NRG3: variants seen among roughly 807,000 people sequenced by gnomAD.
NRG3 encodes the protein neuregulin 3.
A neutral mutation model predicts 66.9 loss-of-function variants in NRG3; 31 were observed. That is an observed-to-expected ratio of 0.46 (90% confidence interval 0.35 to 0.63). The LOEUF is 0.63. Ranked by LOEUF, NRG3 falls within the 20% of genes least tolerant of loss-of-function variation. The pLI is 0.00. For missense variants in NRG3, 910 were observed against 878.9 expected, an observed-to-expected ratio of 1.04 and a Z score of -0.45; for synonymous variants, 393 against 359.4, an observed-to-expected ratio of 1.09 and a Z score of -1.06.
intron 4 of NRG3, among the ~76,000 whole-genome samples, chr10:82,946,054 A>G (rs767162030): frequency 2.6e-5 from 4 of 152,130 alleles, no homozygotes; most frequent in South Asian, 2.1e-4. Context: ...TGAAGTGTCA[A>G]TGATGTGGGA....
At chr10:82,227,665 G>A (rs1453598786) in intron 1 of NRG3, among the ~76,000 whole-genome samples, 1 of 152,110 alleles carries the variant, frequency 6.6e-6, no homozygotes, top group Non-Finnish European at 1.5e-5. Context: ...AAAGAGAATA[G>A]TGAAAGTGGA....
chr10:82,518,891 G>T lies in NRG3; in HGVS notation c.953+160023G>T, dbSNP rs911882820. On this transcript the variant is annotated intron_variant, in intron 2 of 8. Transcript: ENST00000372141. ...CAGCCTGAACAGTTCAGAAATTAATGCCTCTCATAACACCAAGAGATTTGA... is the reference window on the plus strand; with the variant it reads ...CAGCCTGAACAGTTCAGAAATTAATTCCTCTCATAACACCAAGAGATTTGA... Among the ~76,000 whole-genome samples the T allele has an allele frequency of 7.2e-5, 11 of 152,140 alleles. No individual in the cohort carries two copies. In the East Asian group the frequency reaches 7.7e-4, roughly 11 times the overall value.
chr10:82,069,988 A>G (rs2064712051), intron 1 of NRG3, among the ~76,000 whole-genome samples: 1 of 152,230 alleles, frequency 6.6e-6, no homozygotes, highest in Non-Finnish European at 1.5e-5. Context: ...GAGTGAATAT[A>G]TTTGATTAAA....
intron 2 of NRG3, among the ~76,000 whole-genome samples, chr10:82,509,832 T>C (rs1422352919): frequency 6.6e-6 from 1 of 152,192 alleles, no homozygotes; most frequent in Non-Finnish European, 1.5e-5. Flanking sequence ...CAACCTCCTG[T>C]CACCTTTCTT....
chr10:82,869,050 A>G (rs1330505121), intron 4 of NRG3, among the ~76,000 whole-genome samples: 1 of 152,156 alleles, frequency 6.6e-6, no homozygotes, highest in African/African-American at 2.4e-5. Context: ...TGAAAGTGCC[A>G]TCATCCCAAG....
At chr10:82,234,441 G>C (rs1032745302) in intron 1 of NRG3, among the ~76,000 whole-genome samples, 3 of 152,066 alleles carry the variant, frequency 2.0e-5, no homozygotes, top group Admixed American at 2.0e-4. Flanking sequence ...ACCTTATTTT[G>C]TGTTTTGTCA....
intron 5 of NRG3, among the ~76,000 whole-genome samples, chr10:82,957,921 T>A (rs1850233341): frequency 6.8e-6 from 1 of 146,252 alleles, no homozygotes; most frequent in Non-Finnish European, 1.5e-5. Flanking sequence ...TGTGTGTGTG[T>A]GAGTGTTGTG....
At chr10:82,815,073 C>A (rs531863710) in intron 3 of NRG3, among the ~76,000 whole-genome samples, 1 of 152,282 alleles carries the variant, frequency 6.6e-6, no homozygotes, top group South Asian at 2.1e-4. Context: ...CGGTCATCGC[C>A]GTCCTCCTGG....
intron 1 of NRG3, among the ~76,000 whole-genome samples, chr10:82,207,565 A>G (rs2075180405): frequency 1.3e-5 from 2 of 152,188 alleles, no homozygotes; most frequent in Admixed American, 1.3e-4. Flanking sequence ...AAAATAGTAA[A>G]GCCGTGTGTA....
At chr10:81,923,989 C>T (rs547578753) in intron 1 of NRG3, among the ~76,000 whole-genome samples, 33 of 152,210 alleles carry the variant, frequency 2.2e-4, no homozygotes, top group Admixed American at 1.0e-3. Flanking sequence ...AATAGGTGCT[C>T]GTTAAATGTT....
chr10:82,311,428 A>C (rs1040176813), intron 1 of NRG3, among the ~76,000 whole-genome samples: 1 of 152,192 alleles, frequency 6.6e-6, no homozygotes, highest in Non-Finnish European at 1.5e-5. Flanking sequence ...AGATAGTGAC[A>C]AATCAAGTCA....
chr10:82,128,129 G>A (rs1208774995), intron 1 of NRG3, among the ~76,000 whole-genome samples: 1 of 151,844 alleles, frequency 6.6e-6, no homozygotes, highest in Non-Finnish European at 1.5e-5. Context: ...TACCCGTCGT[G>A]ATTCCAATGG....
intron 1 of NRG3, among the ~76,000 whole-genome samples, chr10:82,067,266 C>A (rs994542819): frequency 8.5e-5 from 13 of 152,134 alleles, no homozygotes; most frequent in Non-Finnish European, 1.5e-5. Context: ...AGCATTAGGA[C>A]TGAATTGTAT....
intron 1 of NRG3, among the ~76,000 whole-genome samples, chr10:82,073,897 A>T (rs921406101): frequency 2.6e-5 from 4 of 152,220 alleles, no homozygotes; most frequent in Admixed American, 2.6e-4. Flanking sequence ...ACATGGTTTT[A>T]GAATTAGAGA....
intron 1 of NRG3, among the ~76,000 whole-genome samples, chr10:81,883,619 G>A (rs12241777): frequency 8.5e-5 from 13 of 152,052 alleles, no homozygotes; most frequent in African/African-American, 3.1e-4. Context: ...AACTACTTTA[G>A]CATTAGTATG....
At position 82,190,992 on chromosome 10, in the gene NRG3, A is replaced by G. The variant is rs1252960097; in HGVS notation, c.824-167747A>G. Among the ~76,000 whole-genome samples, 3 of 151,970 alleles carry G rather than the reference A, an allele frequency of 2.0e-5. No homozygotes were observed. The East Asian group carries it at 5.9e-4, about 30-fold the overall frequency. The stretch of plus-strand genomic sequence containing the variant: ...GAGAATCTCCTTCCTACAACTCCCC[A>G]CCTCAGGATCTCCCTGACGTGGCAC... On this transcript the variant is annotated intron_variant, in intron 1 of 8. Coordinates refer to ENST00000372141, the MANE Select transcript of NRG3 (RefSeq NM_001010848.4).
chr10:82,037,970 G>GA (rs2062863658), intron 1 of NRG3, among the ~76,000 whole-genome samples: 1 of 125,020 alleles, frequency 8.0e-6, no homozygotes, highest in African/African-American at 2.7e-5. Context: ...TTAGTGTGGG[G>GA]AGGGGGGAGA....
At chr10:82,000,398 G>A (rs1483928397) in intron 1 of NRG3, among the ~76,000 whole-genome samples, 2 of 151,954 alleles carry the variant, frequency 1.3e-5, no homozygotes, top group African/African-American at 4.8e-5. Context: ...TGTCATTTTG[G>A]AGTTGTGAGC....
intron 1 of NRG3, among the ~76,000 whole-genome samples, chr10:82,271,663 T>C (rs1192117235): frequency 6.6e-6 from 1 of 152,098 alleles, no homozygotes; most frequent in African/African-American, 2.4e-5. Flanking sequence ...GTTTACTGTT[T>C]TCCTGCACCA....
Sources: gnomAD v4.1 joint callset for allele counts (sites outside exome capture counted in the v4.1 genomes callset) on GRCh38, gnomAD v4.1.1 for gene constraint, MANE v1.5 for transcripts, NCBI Gene and HGNC (gene_info 2026-07-23, HGNC 2026-07-21) for gene names.